Variants in RALYL observed in about 807,000 individuals in gnomAD.
The protein encoded by RALYL is RALY RNA binding protein like.
A neutral mutation model predicts 35.1 loss-of-function variants in RALYL; 29 were observed. That is an observed-to-expected ratio of 0.83 (90% CI 0.61 to 1.13). The LOEUF (loss-of-function observed/expected upper bound fraction) is 1.13, where lower values mean the gene tolerates loss of function less well. Among genes scored for constraint, RALYL ranks in the 50% most tolerant of loss-of-function variants. RALYL has a pLI of 0.00. For synonymous variants in RALYL, 120 were observed against 127.6 expected, an observed-to-expected ratio of 0.94 and a Z score of 0.40; for missense variants, 359 against 360.4, an observed-to-expected ratio of 1.00 and a Z score of 0.03.
At chr8:84,404,175 C>T (rs189170625) in intron 1 of RALYL, among the ~76,000 whole-genome samples, 2 of 152,074 alleles carry the variant, frequency 1.3e-5, no homozygotes, top group East Asian at 1.9e-4. Context: ...CTTTCTCTTG[C>T]CTGATTGCCC....
At chr8:84,903,576 G>A (rs909032142) in intron 8 of RALYL, among the ~76,000 whole-genome samples, 2 of 152,060 alleles carry the variant, frequency 1.3e-5, no homozygotes, top group Admixed American at 1.3e-4. Context: ...CTGCCCAGGA[G>A]GTAACTCCCA....
chr8:84,910,444 A>G (rs1847311951), intron 8 of RALYL, among the ~76,000 whole-genome samples: 1 of 152,110 alleles, frequency 6.6e-6, no homozygotes, highest in Non-Finnish European at 1.5e-5. Context: ...TCACATAAAC[A>G]TTTCATAATT....
intron 2 of RALYL, among the ~76,000 whole-genome samples, chr8:84,587,911 A>G (rs569347117): frequency 6.6e-6 from 1 of 152,300 alleles, no homozygotes; most frequent in South Asian, 2.1e-4. Flanking sequence ...CACCTATAAT[A>G]GAAGGCCAAA....
At chr8:84,248,286 C>T (rs939170363) in intron 1 of RALYL, among the ~76,000 whole-genome samples, 1 of 152,056 alleles carries the variant, frequency 6.6e-6, no homozygotes, top group African/African-American at 2.4e-5. Context: ...TTTCAGGGGG[C>T]TTATGGGAGT....
intron 1 of RALYL, among the ~76,000 whole-genome samples, chr8:84,453,805 C>A (rs1369698706): frequency 6.6e-6 from 1 of 151,932 alleles, no homozygotes; most frequent in East Asian, 1.9e-4. Context: ...AAAATAAAAT[C>A]TTGGATGCTC....
chr8:84,256,100 G>T (rs1453831923), intron 1 of RALYL, among the ~76,000 whole-genome samples: 1 of 152,100 alleles, frequency 6.6e-6, no homozygotes, highest in East Asian at 1.9e-4. Context: ...GCTGGTGAAG[G>T]GTATAATTAT....
chr8:84,489,433 C>T (rs1243144931), intron 1 of RALYL, among the ~76,000 whole-genome samples: 1 of 151,992 alleles, frequency 6.6e-6, no homozygotes, highest in East Asian at 1.9e-4. Context: ...ATGAAATTCT[C>T]AATATTTTCC....
chr8:84,462,885 A>C (rs1193023822), intron 1 of RALYL, among the ~76,000 whole-genome samples: 1 of 151,858 alleles, frequency 6.6e-6, no homozygotes, highest in African/African-American at 2.4e-5. Context: ...GGGATAGGTG[A>C]TGATTTTATA....
chr8:84,433,497 A>C (rs1026879148), intron 1 of RALYL, among the ~76,000 whole-genome samples: 1 of 152,066 alleles, frequency 6.6e-6, no homozygotes, highest in African/African-American at 2.4e-5. Flanking sequence ...TATATCCAAG[A>C]ATTCCCACAT....
chr8:84,204,392 A>AT (rs1282615215), intron 1 of RALYL, among the ~76,000 whole-genome samples: 2 of 152,214 alleles, frequency 1.3e-5, no homozygotes, highest in Middle Eastern at 3.4e-3. Context: ...GGAATAAGGT[A>AT]TTTTTTCTTT....
chr8:84,876,075 G>T lies in RALYL; in HGVS notation c.685+2678G>T, dbSNP rs145219411. ...CCTAAGCTCTCAGTACATTACTTTG[G>T]ATTTTCTATACCTTAAATTGCTCAA... On this transcript the variant is annotated intron_variant, in intron 7 of 8. Coordinates refer to ENST00000521268, the MANE Select transcript of RALYL (RefSeq NM_173848.7). Among the ~76,000 whole-genome samples the T allele has an allele frequency of 2.2e-3, 331 of 152,048 alleles. 6 individuals carry two copies. The East Asian group carries it at 0.055, about 25-fold the overall frequency.
chr8:84,585,271 A>G (rs982083640), intron 2 of RALYL, among the ~76,000 whole-genome samples: 5 of 152,080 alleles, frequency 3.3e-5, no homozygotes, highest in African/African-American at 1.2e-4. Context: ...TTTGTGTCTG[A>G]TCTGCCTGTC....
chr8:84,723,331 A>T (rs1334554317), intron 2 of RALYL, among the ~76,000 whole-genome samples: 1 of 152,022 alleles, frequency 6.6e-6, no homozygotes, highest in Non-Finnish European at 1.5e-5. Context: ...TATAAATCTT[A>T]CACCTCCACT....
intron 2 of RALYL, among the ~76,000 whole-genome samples, chr8:84,729,200 A>C (rs1845619182): frequency 6.6e-6 from 1 of 152,046 alleles, no homozygotes. Flanking sequence ...CATCCCTTGT[A>C]AGTTGGAACC....
At chr8:84,790,956 C>A (rs1182171159) in intron 3 of RALYL, among the ~76,000 whole-genome samples, 2 of 152,104 alleles carry the variant, frequency 1.3e-5, no homozygotes, top group African/African-American at 4.8e-5. Context: ...TACTGAGAAA[C>A]CTTTAGGCTG....
intron 2 of RALYL, 85 bp from the exon 3 acceptor site, chr8:84,774,494 A>G (rs1275162788): frequency 2.2e-6 from 2 of 891,688 alleles, no homozygotes; most frequent in Non-Finnish European, 3.5e-6. Context: ...ACAAATAGTA[A>G]AAAGAAAAAT....
chr8:84,843,913 A>G (rs1438621468), intron 4 of RALYL, among the ~76,000 whole-genome samples: 1 of 152,376 alleles, frequency 6.6e-6, no homozygotes, highest in African/African-American at 2.4e-5. Context: ...CTGGCTAGCC[A>G]TATGTAGAAA....
chr8:84,218,953 A>T (rs191615203), intron 1 of RALYL, among the ~76,000 whole-genome samples: 4 of 152,196 alleles, frequency 2.6e-5, no homozygotes, highest in African/African-American at 9.6e-5. Context: ...TCCAAAGACT[A>T]ACTTCCCACA....
intron 1 of RALYL, among the ~76,000 whole-genome samples, chr8:84,462,352 A>G (rs1478242213): frequency 1.3e-5 from 2 of 151,130 alleles, no homozygotes; most frequent in East Asian, 3.9e-4. Context: ...CTTTTCGGAT[A>G]TGTCTTTTGC....
Sources: allele counts gnomAD v4.1 joint callset (sites outside exome capture counted in the v4.1 genomes callset), GRCh38; gene constraint gnomAD v4.1.1; transcripts MANE v1.5; gene names NCBI Gene and HGNC (gene_info 2026-07-23, HGNC 2026-07-21).